Variants in AP4S1 observed in about 807,000 individuals in gnomAD.
AP4S1 encodes the protein adaptor related protein complex 4 subunit sigma 1, also known as AP-4 complex subunit sigma-1.
A neutral mutation model predicts 19.8 loss-of-function variants in AP4S1; 23 were observed. The observed-to-expected ratio is 1.16, with a 90% CI of 0.84 to 1.65. The LOEUF is 1.65. AP4S1 is among the 40% of genes most tolerant of loss of function. AP4S1 has a pLI of 0.00. For missense variants in AP4S1, 166 were observed against 172.8 expected (o/e 0.96, Z 0.22); for synonymous variants, 46 against 54.1 (o/e 0.85, Z 0.66).
chr14:31,085,138 G>T lies in AP4S1; in HGVS notation c.306+4554G>T, dbSNP rs573292699. ...AGAAGGCCCATTCTATGTCTGCTTCGCCAGCACCCTTTCCCCATCATGGGG... is the reference window on the plus strand; with the variant it reads ...AGAAGGCCCATTCTATGTCTGCTTCTCCAGCACCCTTTCCCCATCATGGGG... On this transcript the variant is annotated intron_variant, in intron 5 of 5. Transcript: ENST00000542754. The T allele has an allele frequency of 4.7e-6, 6 of 1,267,172 alleles. No individual in the cohort carries two copies. In the African/African-American group the frequency reaches 7.5e-5, roughly 16 times the overall value. The allele number at this position is 1,267,172 out of a possible 1,614,324, so 78.5% of individuals were successfully genotyped here.
In AP4S1 at chr14:31,056,384, G is replaced by A. The variant is rs560638188; in HGVS notation, c.-71-9742G>A. Among the ~76,000 whole-genome samples the A allele has an allele frequency of 3.3e-5, 5 of 151,048 alleles. No homozygotes were observed. The East Asian group carries it at 5.9e-4, about 18-fold the overall frequency. ...TTCTTTCTTTTTTTTTTGAGATGGA[G>A]TCTCACTCTTGTCGCCCAGGCTGGA... On this transcript the variant is annotated intron_variant, in intron 1 of 5. Transcript: ENST00000542754.
chr14:31,052,657 A>G (rs956144379), intron 1 of AP4S1, among the ~76,000 whole-genome samples: 2 of 151,276 alleles, frequency 1.3e-5, no homozygotes, highest in Non-Finnish European at 2.9e-5. Flanking sequence ...GAACCTGGGA[A>G]ATGGAGGTTA....
At chr14:31,088,826 A>AG (rs1486242971) in intron 5 of AP4S1, among the ~76,000 whole-genome samples, 2 of 149,776 alleles carry the variant, frequency 1.3e-5, no homozygotes, top group African/African-American at 2.5e-5. Context: ...AAAAAAAAAA[A>AG]AAAAGTCCTT....
chr14:31,071,912 TATTTATTTGA>T (rs1566536855), intron 3 of AP4S1, among the ~76,000 whole-genome samples: 7 of 119,196 alleles, frequency 5.9e-5, no homozygotes, highest in South Asian at 3.4e-4. Context: ...TTTATTTATT[TATTTATTTGA>T]TTTTTTTTGG....
intron 1 of AP4S1, among the ~76,000 whole-genome samples, chr14:31,032,192 G>A (rs1301398705): frequency 1.3e-5 from 2 of 152,146 alleles, no homozygotes; most frequent in Non-Finnish European, 2.9e-5. Context: ...GACCAGCCTG[G>A]CCAACATGGT....
chr14:31,035,966 G>A (rs1055113326), intron 1 of AP4S1, among the ~76,000 whole-genome samples: 14 of 152,134 alleles, frequency 9.2e-5, no homozygotes, highest in Middle Eastern at 6.8e-3. Context: ...TCCTGACCTG[G>A]TGATCCGCCC....
intron 2 of AP4S1, among the ~76,000 whole-genome samples, chr14:31,068,487 C>T (rs951771139): frequency 7.9e-5 from 12 of 152,220 alleles, no homozygotes; most frequent in African/African-American, 2.9e-4. Context: ...CCTGCCATGG[C>T]ACACACTGTT....
intron 1 of AP4S1, among the ~76,000 whole-genome samples, chr14:31,048,221 G>C (rs1032743935): frequency 6.6e-6 from 1 of 151,130 alleles, no homozygotes; most frequent in African/African-American, 2.4e-5. Flanking sequence ...GGCCTCCCAA[G>C]TAGCTGGGAT....
intron 1 of AP4S1, 122 bp downstream of exon 1, chr14:31,025,909 G>A: frequency 6.2e-7 from 1 of 1,600,604 alleles, no homozygotes; most frequent in Middle Eastern, 1.7e-4. Flanking sequence ...GGTACCTGCA[G>A]TTCGGCCCGT....
At chr14:31,062,820 A>T (rs1886511162) in intron 1 of AP4S1, among the ~76,000 whole-genome samples, 1 of 152,124 alleles carries the variant, frequency 6.6e-6, no homozygotes, top group Admixed American at 6.5e-5. Flanking sequence ...ACAAAAAATT[A>T]TCTGGGTGTG....
rs1174423585 is a variant in AP4S1, at chr14:31,094,468, T to C, written c.*1433T>C. Reference sequence around the variant, plus strand: ...AAAATCAGCCGGGTGTGGTGGCACATACCTGTAGTCTCAACTACTCGGGAG... The same window carrying C: ...AAAATCAGCCGGGTGTGGTGGCACACACCTGTAGTCTCAACTACTCGGGAG... On this transcript the variant is annotated 3_prime_UTR_variant, in exon 6 of 6. Coordinates refer to ENST00000542754, the MANE Select transcript of AP4S1 (RefSeq NM_001128126.3). 4 of 151,718 alleles carry C rather than the reference T, an allele frequency of 2.6e-5. No homozygotes were observed. The highest frequency in any genetic ancestry group is 4.4e-5 in the Non-Finnish European group (3 of 68,180). The allele number at this position is 151,718 out of a possible 1,614,324, so 9.4% of individuals were successfully genotyped here. A position where few individuals can be genotyped will look rare whatever the true frequency, so the allele number is the denominator to read the frequency against.
rs763827785 is a variant in AP4S1, at chr14:31,066,205, A to G, written c.9A>G (p.Lys3=). The G allele has an allele frequency of 6.2e-7, 1 of 1,613,850 alleles. No homozygotes were observed. Among genetic ancestry groups the G allele is most frequent in the South Asian group, 1.1e-5 (1 of 91,076 alleles). Reference sequence around the variant, plus strand: ...CTGGCCAGGAAAGAAAAATGATAAAATTTTTCCTCATGGTGAATAAACAAG... The same window carrying G: ...CTGGCCAGGAAAGAAAAATGATAAAGTTTTTCCTCATGGTGAATAAACAAG... MI[K]FFLMVNKQGQ... is the part of the protein sequence containing the mutation. Residue 3 remains lysine (K), a synonymous_variant, in exon 2 of 6, where the codon AAA becomes AAG. Transcript: ENST00000542754.
intron 1 of AP4S1, among the ~76,000 whole-genome samples, chr14:31,058,796 C>G (rs1594669019): frequency 1.3e-5 from 2 of 151,460 alleles, no homozygotes; most frequent in East Asian, 3.9e-4. Context: ...GGCTGGTCCC[C>G]AACTTCTGGG....
chr14:31,063,651 G>T (rs1199456157), intron 1 of AP4S1, among the ~76,000 whole-genome samples: 3 of 152,078 alleles, frequency 2.0e-5, no homozygotes, highest in Admixed American at 1.3e-4. Context: ...CTGAGAAACT[G>T]TCCCAGACCA....
chr14:31,062,625 C>T (rs961679913), intron 1 of AP4S1, among the ~76,000 whole-genome samples: 1 of 152,122 alleles, frequency 6.6e-6, no homozygotes, highest in African/African-American at 2.4e-5. Flanking sequence ...GATGGCGATG[C>T]TAAAGTTAAT....
intron 1 of AP4S1, among the ~76,000 whole-genome samples, chr14:31,050,174 G>A (rs992058214): frequency 4.6e-5 from 7 of 151,992 alleles, no homozygotes; most frequent in Non-Finnish European, 7.4e-5. Context: ...CACCTGCCTT[G>A]GCCTCCCAAA....
rs556496667 is a variant in AP4S1 at position 31,041,228 on chromosome 14, C to G, written c.-72+15441C>G. Among the ~76,000 whole-genome samples the G allele has an allele frequency of 2.4e-3, 359 of 152,194 alleles. 2 individuals carry two copies. Among genetic ancestry groups the G allele is most frequent in the African/African-American group, 8.2e-3 (339 of 41,552 alleles). On this transcript the variant is annotated intron_variant, in intron 1 of 5. Coordinates refer to ENST00000542754, the MANE Select transcript of AP4S1 (RefSeq NM_001128126.3). ...GCAGTGGCGTAATCTCTGCTCACTG[C>G]AACCTCCACCTCCTGAGTTCAAGCA...
chr14:31,048,510 C>T (rs1326554208), intron 1 of AP4S1, among the ~76,000 whole-genome samples: 1 of 151,720 alleles, frequency 6.6e-6, no homozygotes, highest in Non-Finnish European at 1.5e-5. Flanking sequence ...GGGTGGATCA[C>T]GAGGTCAGAA....
At chr14:31,048,511 GA>G in intron 1 of AP4S1, among the ~76,000 whole-genome samples, 1 of 152,064 alleles carries the variant, frequency 6.6e-6, no homozygotes, top group Admixed American at 6.5e-5. Flanking sequence ...GGTGGATCAC[GA>G]GGTCAGAAGT....
Sources: gnomAD v4.1 joint callset for allele counts (sites outside exome capture counted in the v4.1 genomes callset) on GRCh38, gnomAD v4.1.1 for gene constraint, MANE v1.5 for transcripts, NCBI Gene and HGNC (gene_info 2026-07-23, HGNC 2026-07-21) for gene names.